The following TRIP12 variants were observed in gnomAD, a reference collection of about 807,000 sequenced individuals.
TRIP12 encodes thyroid hormone receptor interactor 12, also known as E3 ubiquitin-protein ligase TRIP12.
In TRIP12, 25 loss-of-function variants were observed where a neutral mutation model predicts 244.2. The observed-to-expected ratio is 0.10, with a 90% CI of 0.07 to 0.14. The LOEUF (loss-of-function observed/expected upper bound fraction) is 0.14. Among genes scored for constraint, TRIP12 ranks in the 10% least tolerant of loss-of-function variants. The pLI is 1.00. For synonymous variants in TRIP12, 905 were observed against 873.1 expected, an observed-to-expected ratio of 1.04 and a Z score of -0.64; for missense variants, 1,677 against 2,486.4, an observed-to-expected ratio of 0.67 and a Z score of 6.92.
intron 15 of TRIP12, among the ~76,000 whole-genome samples, chr2:229,809,977 AG>A (rs1575342321): frequency 6.6e-6 from 1 of 152,226 alleles, no homozygotes; most frequent in East Asian, 1.9e-4. Flanking sequence ...CTGACTCCCA[AG>A]GTAACATCCA....
intron 4 of TRIP12, among the ~76,000 whole-genome samples, chr2:229,846,601 G>A (rs2057629955): frequency 6.6e-6 from 1 of 151,958 alleles, no homozygotes; most frequent in Non-Finnish European, 1.5e-5. Flanking sequence ...TGGTGGCTGG[G>A]AACTGAGTGC....
At chr2:229,820,069 C>G (rs561895604) in intron 8 of TRIP12, among the ~76,000 whole-genome samples, 1 of 152,284 alleles carries the variant, frequency 6.6e-6, no homozygotes, top group East Asian at 1.9e-4. Context: ...TTTATCACTT[C>G]TGTGTTGACA....
At chr2:229,793,850 GT>G (rs34301622) in intron 26 of TRIP12, among the ~76,000 whole-genome samples, 417 of 146,662 alleles carry the variant, frequency 2.8e-3, no homozygotes, top group African/African-American at 8.7e-3. Flanking sequence ...TACAATGAGT[GT>G]TTTTTTTTTT....
At chr2:229,894,832 T>C (rs1183303976) in intron 1 of TRIP12, among the ~76,000 whole-genome samples, 1 of 152,272 alleles carries the variant, frequency 6.6e-6, no homozygotes, top group African/African-American at 2.4e-5. Flanking sequence ...AATACAGGGA[T>C]AGAACTTGAG....
chr2:229,888,742 G>A (rs1269709538), intron 1 of TRIP12, among the ~76,000 whole-genome samples: 1 of 152,130 alleles, frequency 6.6e-6, no homozygotes, highest in Non-Finnish European at 1.5e-5. Context: ...TGCGGAGGTT[G>A]CAGCGAGCCA....
In TRIP12 at chr2:229,829,008, C is replaced by T. The variant is rs2052546368; in HGVS notation, c.1450+185G>A. On this transcript the variant is annotated intron_variant, in intron 8 of 41. Coordinates refer to ENST00000675903, the MANE Select transcript of TRIP12 (RefSeq NM_001348323.3). ...TATTTTGTTCAAACAGAATCAATCTCGCTACAAAATCTGGATAATTCAGCA... is the reference window on the plus strand; with the variant it reads ...TATTTTGTTCAAACAGAATCAATCTTGCTACAAAATCTGGATAATTCAGCA... Among the ~76,000 whole-genome samples, 4 of 152,218 alleles carry T rather than the reference C, an allele frequency of 2.6e-5. No individual in the cohort carries two copies. In the South Asian group the frequency reaches 6.2e-4, roughly 24 times the overall value.
chr2:229,863,021 A>T (rs1488521530), intron 2 of TRIP12, among the ~76,000 whole-genome samples: 1 of 152,168 alleles, frequency 6.6e-6, no homozygotes, highest in East Asian at 1.9e-4. Flanking sequence ...TGAGGTCAGG[A>T]GTTCAAGACC....
At chr2:229,869,683 T>A (rs2062189577) in intron 2 of TRIP12, among the ~76,000 whole-genome samples, 1 of 152,144 alleles carries the variant, frequency 6.6e-6, no homozygotes, top group Non-Finnish European at 1.5e-5. Flanking sequence ...ATGAATATAA[T>A]CTTATACTGA....
intron 31 of TRIP12, 32 bp downstream of exon 31, chr2:229,789,579 T>C (rs751731217): frequency 5.6e-6 from 9 of 1,601,398 alleles, no homozygotes; most frequent in African/African-American, 2.7e-5. Context: ...TCACAGACCA[T>C]GAAAACTTCA....
At chr2:229,767,822 T>C (rs2032315925) in intron 41 of TRIP12, 72 bp from the exon 42 acceptor site, 2 of 1,426,870 alleles carry the variant, frequency 1.4e-6, no homozygotes, top group Non-Finnish European at 1.9e-6. Context: ...AACATTCCAC[T>C]GCTTTGCCGT....
chr2:229,883,841 C>T (rs1279843029), intron 1 of TRIP12, among the ~76,000 whole-genome samples: 1 of 152,144 alleles, frequency 6.6e-6, no homozygotes. Flanking sequence ...CACGCAAATA[C>T]CACATAGAGA....
intron 8 of TRIP12, among the ~76,000 whole-genome samples, chr2:229,819,693 C>A (rs1313101996): frequency 6.6e-6 from 1 of 152,152 alleles, no homozygotes; most frequent in Non-Finnish European, 1.5e-5. Context: ...CTTCTTACAC[C>A]TTTTCAAGTT....
chr2:229,834,876 G>A (rs2054383173), intron 6 of TRIP12, among the ~76,000 whole-genome samples: 1 of 152,116 alleles, frequency 6.6e-6, no homozygotes. Flanking sequence ...AGCTAATGTG[G>A]TTGGGCTTTT....
Position 229,795,190 on chromosome 2 carries a change from C to T in TRIP12, c.3957G>A (p.Gly1319=). 1 of 1,613,798 alleles carries T rather than the reference C, an allele frequency of 6.2e-7. No individual in the cohort carries two copies. The highest frequency in any genetic ancestry group is 2.2e-5 in the East Asian group (1 of 44,876). ...GCAATGGTCCTTACCTGCCTCCTGT[C>T]CCATTTCCACTAGGGAAATCATGTA... ...VKVHDFPSGN[G]TGGSFSLNRG... is the part of the protein sequence containing the mutation. The change falls in exon 26 of 42, where the codon GGG becomes GGA. Residue 1319 remains glycine (G), a synonymous_variant. Transcript: ENST00000675903.
In TRIP12 at chr2:229,819,105, CTCTT is replaced by C. The variant is rs544935094; in HGVS notation, c.1451-597_1451-594del. 2.6e-3 allele frequency among the ~76,000 whole-genome samples: 393 copies of C among 150,972 alleles called. 2 individuals are homozygous for C. Among genetic ancestry groups the C allele is most frequent in the Non-Finnish European group, 4.3e-3 (292 of 67,714 alleles). Reference sequence around the variant, plus strand: ...ACACACAATTATAAACCCTTGCATCCTCTTTCATTTCCTGCACAGATGATGGCTA... The same window carrying C: ...ACACACAATTATAAACCCTTGCATCCTCATTTCCTGCACAGATGATGGCTA... On this transcript the variant is annotated intron_variant, in intron 8 of 41. Transcript: ENST00000675903.
At chr2:229,793,207 CA>C in intron 26 of TRIP12, 62 bp from the exon 27 acceptor site, 1 of 1,493,218 alleles carries the variant, frequency 6.7e-7, no homozygotes, top group Non-Finnish European at 9.0e-7. Context: ...TACATTAATT[CA>C]AATAAAGGCA....
intron 2 of TRIP12, among the ~76,000 whole-genome samples, chr2:229,867,242 T>C (rs1455866076): frequency 1.3e-5 from 2 of 149,596 alleles, no homozygotes; most frequent in Admixed American, 6.8e-5. Flanking sequence ...CTCAGCTCAC[T>C]GCAACCTCTG....
intron 18 of TRIP12, 93 bp downstream of exon 18, chr2:229,805,637 A>G: frequency 8.0e-7 from 1 of 1,256,940 alleles, no homozygotes; most frequent in Non-Finnish European, 1.0e-6. Context: ...TCTTAAGCTT[A>G]AAAAGATACT....
At chr2:229,776,094 TTC>T (rs1311178272) in intron 37 of TRIP12, among the ~76,000 whole-genome samples, 1 of 152,172 alleles carries the variant, frequency 6.6e-6, no homozygotes, top group African/African-American at 2.4e-5. Flanking sequence ...CTACTCTGTG[TTC>T]TCTAGGTGTG....
Sources: gnomAD v4.1 joint callset for allele counts (sites outside exome capture counted in the v4.1 genomes callset) on GRCh38, gnomAD v4.1.1 for gene constraint, MANE v1.5 for transcripts, NCBI Gene and HGNC (gene_info 2026-07-23, HGNC 2026-07-21) for gene names.